The following PTGIS variants were observed in gnomAD, a reference collection of about 807,000 sequenced individuals.
PTGIS encodes prostaglandin I2 synthase.
A neutral mutation model predicts 50.3 loss-of-function variants in PTGIS; 45 were observed. The observed-to-expected ratio is 0.90, with a 90% CI of 0.70 to 1.15. The LOEUF is 1.15. Ranked by LOEUF, PTGIS falls within the 50% of genes most tolerant of loss-of-function variation. PTGIS has a pLI of 0.00. For synonymous variants in PTGIS, 260 were observed against 267.7 expected, an observed-to-expected ratio of 0.97 and a Z score of 0.28; for missense variants, 668 against 661.3, an observed-to-expected ratio of 1.01 and a Z score of -0.11.
At chr20:49,522,264 T>C (rs1448668270) in intron 6 of PTGIS, among the ~76,000 whole-genome samples, 1 of 152,098 alleles carries the variant, frequency 6.6e-6, no homozygotes, top group Non-Finnish European at 1.5e-5. Context: ...TCTCTGAATC[T>C]AGCTTTCTTA....
rs1346582597 is a variant in PTGIS at position 49,513,225 on chromosome 20, G to A, written c.1061C>T (p.Ala354Val). 8 of 1,613,968 alleles carry A rather than the reference G, an allele frequency of 5.0e-6. No homozygotes were observed. Among genetic ancestry groups the A allele is most frequent in the African/African-American group, 1.3e-5 (1 of 75,030 alleles). The change falls in exon 8 of 10, where the codon GCC becomes GTC. Residue 354 changes from alanine (A) to valine (V), a missense_variant. Coordinates refer to ENST00000244043, the MANE Select transcript of PTGIS (RefSeq NM_000961.4). ...CACAACCTCGCGGGTGATGAAGGGGGCAGCTGTAAGCCTGAGGCTCTCACT... is the reference window on the plus strand; with the variant it reads ...CACAACCTCGCGGGTGATGAAGGGGACAGCTGTAAGCCTGAGGCTCTCACT... ...VLSESLRLTA[A>V]PFITREVVVD...
intron 6 of PTGIS, among the ~76,000 whole-genome samples, chr20:49,518,091 G>T (rs912042224): frequency 6.6e-6 from 1 of 152,260 alleles, no homozygotes; most frequent in African/African-American, 2.4e-5. Context: ...TCCCCCAGGG[G>T]GAGACCCTCT....
intron 5 of PTGIS, among the ~76,000 whole-genome samples, chr20:49,530,154 CAAAA>C (rs58592527): frequency 5.4e-5 from 7 of 128,790 alleles, no homozygotes; most frequent in South Asian, 2.6e-4. Context: ...AACTCTGTCT[CAAAA>C]AAAAAAAAAA....
At chr20:49,513,688 T>C (rs1275044202) in intron 7 of PTGIS, among the ~76,000 whole-genome samples, 1 of 152,164 alleles carries the variant, frequency 6.6e-6, no homozygotes, top group Non-Finnish European at 1.5e-5. Flanking sequence ...GGGCTGTGAC[T>C]GGCCAATCAG....
intron 5 of PTGIS, among the ~76,000 whole-genome samples, chr20:49,530,831 C>T (rs1981916014): frequency 2.0e-5 from 3 of 152,170 alleles, no homozygotes. Context: ...GTGATCTCGG[C>T]TCACTGCAAC....
chr20:49,523,826 A>G (rs567365284), intron 6 of PTGIS, among the ~76,000 whole-genome samples: 5 of 152,234 alleles, frequency 3.3e-5, no homozygotes, highest in Non-Finnish European at 5.9e-5. Flanking sequence ...TCTGTTCGTG[A>G]TGCTATTTGA....
At chr20:49,517,631 C>T (rs1601181742) in intron 6 of PTGIS, among the ~76,000 whole-genome samples, 1 of 152,204 alleles carries the variant, frequency 6.6e-6, no homozygotes, top group Non-Finnish European at 1.5e-5. Context: ...GCAGTGCCAC[C>T]CCTGTTCTAG....
intron 6 of PTGIS, among the ~76,000 whole-genome samples, chr20:49,519,468 C>T (rs1166197421): frequency 2.0e-5 from 3 of 152,072 alleles, no homozygotes; most frequent in Non-Finnish European, 2.9e-5. Flanking sequence ...CAGCTTCCCA[C>T]TCCCGGCTCT....
intron 6 of PTGIS, among the ~76,000 whole-genome samples, chr20:49,517,721 C>T (rs924882935): frequency 1.3e-5 from 2 of 152,220 alleles, no homozygotes; most frequent in Non-Finnish European, 2.9e-5. Context: ...TTCACATGCT[C>T]CTTCTTGTTG....
At chr20:49,511,448 T>C (rs1433357009) in intron 8 of PTGIS, among the ~76,000 whole-genome samples, 1 of 152,208 alleles carries the variant, frequency 6.6e-6, no homozygotes, top group South Asian at 2.1e-4. Flanking sequence ...ACACCAATCT[T>C]TTCATGGCAT....
chr20:49,548,280 G>A (rs1982416437), intron 2 of PTGIS, among the ~76,000 whole-genome samples: 2 of 152,206 alleles, frequency 1.3e-5, no homozygotes, highest in South Asian at 4.1e-4. Flanking sequence ...GACTAGGACT[G>A]GAATTTGGGA....
At chr20:49,558,147 G>C (rs1247946244) in intron 1 of PTGIS, among the ~76,000 whole-genome samples, 1 of 152,198 alleles carries the variant, frequency 6.6e-6, no homozygotes, top group African/African-American at 2.4e-5. Flanking sequence ...CCAACACTCT[G>C]GGAGGCCAAA....
At chr20:49,565,072 G>A (rs1467732666) in intron 1 of PTGIS, among the ~76,000 whole-genome samples, 1 of 150,172 alleles carries the variant, frequency 6.7e-6, no homozygotes, top group Non-Finnish European at 1.5e-5. Flanking sequence ...CCGGCTTCAT[G>A]CCATTCTCCT....
intron 1 of PTGIS, among the ~76,000 whole-genome samples, chr20:49,566,883 G>A (rs1027876656): frequency 3.3e-5 from 5 of 152,180 alleles, no homozygotes; most frequent in Admixed American, 2.6e-4. Flanking sequence ...TAAGAGTAAC[G>A]GACCAGTGTT....
intron 9 of PTGIS, 127 bp downstream of exon 9, chr20:49,510,901 A>T: frequency 1.2e-6 from 1 of 840,714 alleles, no homozygotes; most frequent in Non-Finnish European, 1.9e-6. Context: ...GAGATGGCTC[A>T]CGGGCTGTCC....
At chr20:49,519,197 G>A (rs752108480) in intron 6 of PTGIS, among the ~76,000 whole-genome samples, 31 of 151,298 alleles carry the variant, frequency 2.0e-4, no homozygotes, top group Non-Finnish European at 3.5e-4. Flanking sequence ...TGGACCTTAG[G>A]TCTCGGCCCA....
chr20:49,525,574 T>C (rs1050891243), intron 5 of PTGIS, among the ~76,000 whole-genome samples: 1 of 152,028 alleles, frequency 6.6e-6, no homozygotes, highest in Non-Finnish European at 1.5e-5. Flanking sequence ...ATTGTTTTCT[T>C]TTCTACTTCT....
intron 6 of PTGIS, among the ~76,000 whole-genome samples, chr20:49,519,326 A>C (rs978570187): frequency 6.6e-6 from 1 of 152,074 alleles, no homozygotes; most frequent in East Asian, 1.9e-4. Flanking sequence ...GTGGTTGCAA[A>C]GTGCTCAACA....
At chr20:49,544,573 G>T in intron 3 of PTGIS, 125 bp from the exon 4 acceptor site, 1 of 995,654 alleles carries the variant, frequency 1.0e-6, no homozygotes, top group South Asian at 1.3e-5. Flanking sequence ...AGGTCCTGCG[G>T]AAGAGTAGCT....
Sources: gnomAD v4.1 joint callset for allele counts (sites outside exome capture counted in the v4.1 genomes callset) on GRCh38, gnomAD v4.1.1 for gene constraint, MANE v1.5 for transcripts, NCBI Gene and HGNC (gene_info 2026-07-23, HGNC 2026-07-21) for gene names.